Variants in IHO1 observed in about 807,000 individuals in gnomAD.
IHO1 encodes the protein interactor of HORMAD1 protein 1.
A neutral mutation model predicts 31.0 loss-of-function variants in IHO1; 13 were observed. That is an observed-to-expected ratio of 0.42 (90% CI 0.27 to 0.67). IHO1 has a LOEUF of 0.67. Among genes scored for constraint, IHO1 ranks in the 30% least tolerant of loss-of-function variants. IHO1 has a pLI of 0.24. For missense variants in IHO1, 599 were observed against 687.5 expected, an observed-to-expected ratio of 0.87 and a Z score of 1.44; for synonymous variants, 221 against 248.4, an observed-to-expected ratio of 0.89 and a Z score of 1.04.
At chr3:49,191,627 G>A in the IHO1 span, 3 of 1,135,062 alleles carry the variant, frequency 2.6e-6, no homozygotes, top group East Asian at 7.0e-5. Context: ...GCGGCTCAGG[G>A]TCCTATTCCA....
rs139167372 is a variant in IHO1, at chr3:49,248,417, AAAAAC to A, written c.532+3709_532+3713del. Among the ~76,000 whole-genome samples the A allele has an allele frequency of 6.0e-3, 901 of 148,932 alleles. 8 individuals carry two copies. Among genetic ancestry groups the A allele is most frequent in the African/African-American group, 0.021 (828 of 40,256 alleles). Reference sequence around the variant, plus strand: ...CTGGGCGATAGAACCAGACTCTCTCAAAAACAAAACAAAACAAAACAAAACAAAAG... The same window carrying A: ...CTGGGCGATAGAACCAGACTCTCTCAAAAACAAAACAAAACAAAACAAAAG... On this transcript the variant is annotated intron_variant, in intron 6 of 7. Coordinates refer to ENST00000452691, the MANE Select transcript of IHO1 (RefSeq NM_001135197.2).
chr3:49,234,159 G>GTTT (rs1256914455), intron 2 of IHO1, among the ~76,000 whole-genome samples: 3 of 74,822 alleles, frequency 4.0e-5, no homozygotes, highest in Middle Eastern at 7.8e-3. Context: ...GTCTTTTGTT[G>GTTT]TTGTTTTTTT....
rs533132979 is a variant in IHO1 at position 49,215,666 on chromosome 3, C to G, written c.56+3830C>G. Reference sequence around the variant, plus strand: ...GGTGCTACAGCCAAGGAGATGGGAGCTTAGCCTCAAATCCATCTCCCTGAC... The same window carrying G: ...GGTGCTACAGCCAAGGAGATGGGAGGTTAGCCTCAAATCCATCTCCCTGAC... On this transcript the variant is annotated intron_variant, in intron 2 of 7. Coordinates refer to ENST00000452691, the MANE Select transcript of IHO1 (RefSeq NM_001135197.2). Among the ~76,000 whole-genome samples, 419 of 152,266 alleles carry G rather than the reference C, an allele frequency of 2.8e-3. 3 individuals carry two copies. Among genetic ancestry groups the G allele is most frequent in the African/African-American group, 9.4e-3 (389 of 41,534 alleles).
intron 7 of IHO1, 21 bp downstream of exon 7, chr3:49,255,514 C>T (rs374422959): frequency 5.3e-5 from 76 of 1,433,146 alleles, no homozygotes; most frequent in Admixed American, 9.0e-5. Flanking sequence ...ACCCCAACCT[C>T]TTTCTAAGTG....
At chr3:49,241,523 G>A in intron 4 of IHO1, 134 bp downstream of exon 4, 1 of 644,756 alleles carries the variant, frequency 1.6e-6, no homozygotes, top group Non-Finnish European at 2.6e-6. Context: ...CCAAACCATA[G>A]GACTTACACA....
In IHO1 at chr3:49,256,233, G is replaced by C; in HGVS notation, c.736G>C (p.Gly246Arg). Reference sequence around the variant, plus strand: ...ATTCCAGCAGCTGTGTGAGCAGCTAGGCCAGCTGAATGTGCCCAGTGTCCT... The same window carrying C: ...ATTCCAGCAGCTGTGTGAGCAGCTACGCCAGCTGAATGTGCCCAGTGTCCT... ...QEFQQLCEQL[G>R]QLNVPSVLAE... Residue 246 changes from glycine (G) to arginine (R), a missense_variant, in exon 8 of 8, where the codon GGC (glycine) becomes CGC (arginine). Transcript: ENST00000452691. This position sits in a 1 kb window ranked among gnomAD's most constrained non-coding sequence, Gnocchi z 4.6. 7 of 1,614,204 alleles carry C rather than the reference G, an allele frequency of 4.3e-6. No individual in the cohort carries two copies. Among genetic ancestry groups the C allele is most frequent in the Non-Finnish European group, 5.9e-6 (7 of 1,180,036 alleles).
intron 2 of IHO1, among the ~76,000 whole-genome samples, chr3:49,213,401 T>C (rs1384847159): frequency 6.6e-6 from 1 of 152,220 alleles, no homozygotes; most frequent in Non-Finnish European, 1.5e-5. Flanking sequence ...TGCTGATTGG[T>C]GTATCTACAA....
In IHO1 at chr3:49,236,634, G is replaced by GTCCAGAAAATTC; in HGVS notation, c.144_155dup (p.Pro49_Ser52dup). 1 of 1,613,734 alleles carries GTCCAGAAAATTC rather than the reference G, an allele frequency of 6.2e-7. No homozygotes were observed. The highest frequency in any genetic ancestry group is 1.1e-5 in the South Asian group (1 of 91,080). ...CAGTTCCTCTTTGGATCTCAGTTCT[G>GTCCAGAAAATTC]TCCAGAAAATTCAGAAACCCTATCA... On this transcript the variant is annotated inframe_insertion, in exon 3 of 8. Transcript: ENST00000452691.
intron 1 of IHO1, chr3:49,200,458 C>T (rs1271252498): frequency 6.8e-6 from 2 of 295,016 alleles, no homozygotes; most frequent in African/African-American, 9.0e-5. Context: ...GAGTGAGACT[C>T]GGTCTCAAAA....
the IHO1 span, among the ~76,000 whole-genome samples, chr3:49,192,520 A>G: frequency 6.6e-6 from 1 of 152,178 alleles, no homozygotes; most frequent in African/African-American, 2.4e-5. Flanking sequence ...GCTAGTGTCA[A>G]TGGCACAAGC....
At chr3:49,217,347 A>G (rs905658955) in intron 2 of IHO1, among the ~76,000 whole-genome samples, 15 of 152,088 alleles carry the variant, frequency 9.9e-5, no homozygotes, top group Non-Finnish European at 1.5e-5. Flanking sequence ...AGGGACATGG[A>G]TAAAGCTGGA....
upstream of IHO1, among the ~76,000 whole-genome samples, chr3:49,196,438 C>T (rs1309784076): frequency 1.7e-4 from 25 of 149,248 alleles, no homozygotes; most frequent in African/African-American, 5.9e-4. Context: ...CCTGCCTCAG[C>T]CTCCCAAGTA....
In IHO1 at chr3:49,257,488, T is replaced by C; in HGVS notation, c.*206T>C. 1.8e-6 allele frequency: 1 copy of C among 551,142 alleles called. No homozygotes were observed. The highest frequency in any genetic ancestry group is 2.3e-5 in the South Asian group (1 of 44,162). The allele number at this position is 551,142 out of a possible 1,614,324, so 34.1% of individuals were successfully genotyped here. A position where few individuals can be genotyped will look rare whatever the true frequency, so the allele number is the denominator to read the frequency against. On this transcript the variant is annotated 3_prime_UTR_variant, in exon 8 of 8. Transcript: ENST00000452691. ...TGACAAGGATTAAGTGCATCCTTATTTATTGGAATGAAATGTGAAAATGGT... is the reference window on the plus strand; with the variant it reads ...TGACAAGGATTAAGTGCATCCTTATCTATTGGAATGAAATGTGAAAATGGT...
intron 2 of IHO1, among the ~76,000 whole-genome samples, chr3:49,232,293 C>T (rs1559446456): frequency 6.6e-6 from 1 of 152,192 alleles, no homozygotes; most frequent in Non-Finnish European, 1.5e-5. Flanking sequence ...ACAGGGACTA[C>T]AGGACACCCC....
At chr3:49,211,868 A>C (rs746365443) in intron 2 of IHO1, 32 bp downstream of exon 2, 1 of 1,334,530 alleles carries the variant, frequency 7.5e-7, no homozygotes, top group Non-Finnish European at 1.1e-6. Context: ...TCTGATCCTT[A>C]AGAGGATTTT....
intron 2 of IHO1, among the ~76,000 whole-genome samples, chr3:49,217,015 A>G (rs930330858): frequency 6.6e-6 from 1 of 152,236 alleles, no homozygotes; most frequent in African/African-American, 2.4e-5. Flanking sequence ...ATGTGGAGAA[A>G]TAGGAACACT....
chr3:49,250,141 A>G (rs1049706169), intron 6 of IHO1, among the ~76,000 whole-genome samples: 1 of 152,242 alleles, frequency 6.6e-6, no homozygotes, highest in African/African-American at 2.4e-5. Context: ...CACAGGACCT[A>G]TAATGTATAT....
intron 3 of IHO1, among the ~76,000 whole-genome samples, chr3:49,237,549 A>T (rs1215519877): frequency 6.6e-6 from 1 of 152,188 alleles, no homozygotes; most frequent in Non-Finnish European, 1.5e-5. Context: ...CTTCTATTAC[A>T]AAGCAACGTA....
chr3:49,232,880 A>T (rs1380668891), intron 2 of IHO1, among the ~76,000 whole-genome samples: 1 of 152,224 alleles, frequency 6.6e-6, no homozygotes, highest in African/African-American at 2.4e-5. Context: ...CTTGGCTGGC[A>T]ATAACGCCTG....
Sources: allele counts gnomAD v4.1 joint callset (sites outside exome capture counted in the v4.1 genomes callset), GRCh38; gene constraint gnomAD v4.1.1; non-coding constraint Gnocchi (gnomAD v3.1); transcripts MANE v1.5; gene names NCBI Gene and HGNC (gene_info 2026-07-23, HGNC 2026-07-21).